Variants in VSTM2L observed in about 807,000 individuals in gnomAD.
VSTM2L encodes V-set and transmembrane domain-containing protein 2-like protein.
Under a neutral mutation model 19.9 loss-of-function variants are expected in VSTM2L, and 9 were observed. The ratio of observed to expected loss-of-function variants is 0.45; its 90% CI spans 0.27 to 0.79. The LOEUF is 0.79. VSTM2L is among the 30% of genes least tolerant of loss of function. The pLI, the probability that VSTM2L is intolerant of heterozygous loss-of-function variation, is 0.15. For synonymous variants in VSTM2L, 127 were observed against 133.8 expected (o/e 0.95, Z 0.35); for missense variants, 286 against 295.5 (o/e 0.97, Z 0.24).
chr20:37,934,156 G>T (rs73096440), intron 3 of VSTM2L, among the ~76,000 whole-genome samples: 22 of 152,376 alleles, frequency 1.4e-4, no homozygotes, highest in Admixed American at 2.6e-4. Context: ...GTCACGCCAA[G>T]GGTGACTGGT....
chr20:37,932,238 G>A lies in VSTM2L; in HGVS notation c.291+434G>A, dbSNP rs550057007. On this transcript the variant is annotated intron_variant, in intron 2 of 3. Coordinates refer to ENST00000373461, the MANE Select transcript of VSTM2L (RefSeq NM_080607.3). ...GCTGAGTTCACTCACAGGCACACAC[G>A]CATACGTGCACCAGGCTCCCAGCAC... Among the ~76,000 whole-genome samples, 6 of 152,268 alleles carry A rather than the reference G, an allele frequency of 3.9e-5. No individual in the cohort carries two copies. In the East Asian group the frequency reaches 5.8e-4, roughly 15 times the overall value.
chr20:37,941,370 CCA>C (rs989587646), intron 3 of VSTM2L, among the ~76,000 whole-genome samples: 4 of 152,096 alleles, frequency 2.6e-5, no homozygotes, highest in Non-Finnish European at 5.9e-5. Flanking sequence ...ACAGGGAACC[CCA>C]CCCAGGCAGA....
At chr20:37,906,711 C>G (rs2072753896) in intron 1 of VSTM2L, among the ~76,000 whole-genome samples, 1 of 152,218 alleles carries the variant, frequency 6.6e-6, no homozygotes, top group Non-Finnish European at 1.5e-5. Flanking sequence ...CCAGAACAGC[C>G]TTGAGGCAGG....
At chr20:37,936,488 A>G (rs917664892) in intron 3 of VSTM2L, among the ~76,000 whole-genome samples, 5 of 152,232 alleles carry the variant, frequency 3.3e-5, no homozygotes, top group Non-Finnish European at 5.9e-5. Flanking sequence ...GAGATCATTT[A>G]CGTCAGAGGA....
intron 1 of VSTM2L, among the ~76,000 whole-genome samples, chr20:37,922,737 G>T (rs1236574237): frequency 6.6e-6 from 1 of 152,158 alleles, no homozygotes; most frequent in Non-Finnish European, 1.5e-5. Flanking sequence ...GGGGGTCTGG[G>T]ATGGGGAATC....
intron 3 of VSTM2L, among the ~76,000 whole-genome samples, chr20:37,942,505 G>GGT (rs2122981629): frequency 6.6e-6 from 1 of 152,300 alleles, no homozygotes; most frequent in East Asian, 1.9e-4. Flanking sequence ...GATGCAGGCA[G>GGT]CAACATGGAG....
In VSTM2L at chr20:37,903,337, C is replaced by G. The variant is rs2072731858; in HGVS notation, c.-14C>G. On this transcript the variant is annotated 5_prime_UTR_variant, in exon 1 of 4. Coordinates refer to ENST00000373461, the MANE Select transcript of VSTM2L (RefSeq NM_080607.3). ...AGATGTGAGGCGGCGGCGCCCCCGG[C>G]CCGAGAGCGCACGATGGGGGCCCCG... 2.1e-6 allele frequency: 3 copies of G among 1,446,940 alleles called. No homozygotes were observed. The highest frequency in any genetic ancestry group is 1.8e-6 in the Non-Finnish European group (2 of 1,106,458). The allele number at this position is 1,446,940 out of a possible 1,614,324, so 89.6% of individuals were successfully genotyped here.
chr20:37,941,818 T>TTTTTCTAA (rs1182544077), intron 3 of VSTM2L, among the ~76,000 whole-genome samples: 1 of 151,408 alleles, frequency 6.6e-6, no homozygotes, highest in Non-Finnish European at 1.5e-5. Flanking sequence ...GGTTTTTTTT[T>TTTTTCTAA]TTTTCTAAGA....
Position 37,933,594 on chromosome 20 carries a change from G to A in VSTM2L, c.342+5G>A. 6.2e-7 allele frequency: 1 copy of A among 1,613,902 alleles called. No homozygotes were observed. Among genetic ancestry groups the A allele is most frequent in the Non-Finnish European group, 8.5e-7 (1 of 1,179,962 alleles). On this transcript the variant is annotated splice_donor_5th_base_variant and intron_variant, in intron 3 of 3. Transcript: ENST00000373461. ...AAGGAGGCAACCAAAATAAGTGTGAGTTTTGATAATGACTTCTCGAAAGGG... is the reference window on the plus strand; with the variant it reads ...AAGGAGGCAACCAAAATAAGTGTGAATTTTGATAATGACTTCTCGAAAGGG...
chr20:37,929,172 G>A (rs1222015127), intron 1 of VSTM2L, among the ~76,000 whole-genome samples: 1 of 152,144 alleles, frequency 6.6e-6, no homozygotes, highest in Non-Finnish European at 1.5e-5. Context: ...GGAGAGGGAG[G>A]GAGCCATGTG....
chr20:37,943,280 G>T (rs2072984082), intron 3 of VSTM2L, among the ~76,000 whole-genome samples: 1 of 150,084 alleles, frequency 6.7e-6, no homozygotes, highest in Non-Finnish European at 1.5e-5. Flanking sequence ...CACTTGGCCT[G>T]GTTTGGTTTT....
At chr20:37,917,607 C>T (rs968564218) in intron 1 of VSTM2L, among the ~76,000 whole-genome samples, 1 of 152,254 alleles carries the variant, frequency 6.6e-6, no homozygotes, top group African/African-American at 2.4e-5. Flanking sequence ...AAGCAGCTTG[C>T]ACAATGCCAC....
rs2072994875 is a variant in VSTM2L at position 37,944,321 on chromosome 20, C to G, written c.*68C>G. ...GAGTGCATGAGGAGCCGCCGGACCA[C>G]CGGGGACCGACTGCCTGCGTCCAGC... On this transcript the variant is annotated 3_prime_UTR_variant, in exon 4 of 4. Transcript: ENST00000373461. 7.4e-7 allele frequency: 1 copy of G among 1,356,656 alleles called. No homozygotes were observed. Among genetic ancestry groups the G allele is most frequent in the South Asian group, 1.7e-5 (1 of 57,848 alleles). The allele number at this position is 1,356,656 out of a possible 1,614,324, so 84.0% of individuals were successfully genotyped here. A position where few individuals can be genotyped will look rare whatever the true frequency, so the allele number is the denominator to read the frequency against.
At chr20:37,935,825 A>G (rs1181306347) in intron 3 of VSTM2L, among the ~76,000 whole-genome samples, 2 of 151,872 alleles carry the variant, frequency 1.3e-5, no homozygotes, top group South Asian at 4.2e-4. Context: ...TATTTGTTGA[A>G]TAATTATCAC....
At chr20:37,943,830 T>G in intron 3 of VSTM2L, 151 bp from the exon 4 acceptor site, 1 of 764,390 alleles carries the variant, frequency 1.3e-6, no homozygotes, top group Non-Finnish European at 2.0e-6. Flanking sequence ...TTTTGCTATT[T>G]AACTCACTCT....
At chr20:37,903,536 A>T (rs2072733745) in intron 1 of VSTM2L, 65 bp downstream of exon 1, 9 of 1,351,994 alleles carry the variant, frequency 6.7e-6, no homozygotes, top group Non-Finnish European at 7.6e-6. Flanking sequence ...CGCCACTCCA[A>T]CTTGGCCGCC....
Position 37,945,138 on chromosome 20 carries a change from C to T in VSTM2L, c.*885C>T, listed in dbSNP as rs887346791. ...TGGTACTCAGTTCCCTCACGATTCC[C>T]GATCACGGGCACACCTGCCCCCTGG... On this transcript the variant is annotated 3_prime_UTR_variant, in exon 4 of 4. Transcript: ENST00000373461. 1.1e-5 allele frequency: 11 copies of T among 985,640 alleles called. No homozygotes were observed. In the South Asian group the frequency reaches 2.3e-4, roughly 21 times the overall value. 61.1% of individuals were successfully genotyped at this position (985,640 alleles called of 1,614,324 possible).
chr20:37,934,370 C>T (rs1299130529), intron 3 of VSTM2L, among the ~76,000 whole-genome samples: 4 of 152,092 alleles, frequency 2.6e-5, no homozygotes, highest in South Asian at 2.1e-4. Context: ...TGCCCAGGGA[C>T]ACATGTGGCC....
In VSTM2L at chr20:37,903,477, T is replaced by A; in HGVS notation, c.121+6T>A. On this transcript the variant is annotated splice_donor_region_variant and intron_variant, in intron 1 of 3. Transcript: ENST00000373461. ...CAACCACGTCTCCGGCCACGGTGAGTTCGGTCGCCGCCCCCGCGGACTTCC... is the reference window on the plus strand; with the variant it reads ...CAACCACGTCTCCGGCCACGGTGAGATCGGTCGCCGCCCCCGCGGACTTCC... The A allele has an allele frequency of 3.4e-6, 5 of 1,470,952 alleles. No individual in the cohort carries two copies. The highest frequency in any genetic ancestry group is 4.5e-6 in the Non-Finnish European group (5 of 1,117,196). 91.1% of individuals were successfully genotyped at this position (1,470,952 alleles called of 1,614,324 possible).
Sources: gnomAD v4.1 joint callset for allele counts (sites outside exome capture counted in the v4.1 genomes callset) on GRCh38, gnomAD v4.1.1 for gene constraint, MANE v1.5 for transcripts, NCBI Gene and HGNC (gene_info 2026-07-23, HGNC 2026-07-21) for gene names.